The following HNF1B variants were observed in gnomAD, a reference collection of about 807,000 sequenced individuals.
HNF1B encodes hepatocyte nuclear factor 1-beta.
Under a neutral mutation model 61.7 loss-of-function variants are expected in HNF1B, and 8 were observed. The observed-to-expected ratio is 0.13, with a 90% CI of 0.08 to 0.23. HNF1B has a LOEUF of 0.23. Ranked by LOEUF, HNF1B falls within the 10% of genes least tolerant of loss-of-function variation. HNF1B has a pLI of 1.00. For synonymous variants in HNF1B, 314 were observed against 287.7 expected (o/e 1.09, Z -0.93); for missense variants, 562 against 714.5 (o/e 0.79, Z 2.43).
chr17:37,729,264 C>A (rs1238850093), intron 4 of HNF1B: 7 of 151,814 alleles, frequency 4.6e-5, no homozygotes, highest in East Asian at 3.9e-4. Context: ...GTTGAGGAGC[C>A]CAGAGTGAAA....
At position 37,744,912 on chromosome 17, in the gene HNF1B, G is replaced by T. The variant is rs757704803; in HGVS notation, c.-28C>A. The T allele has an allele frequency of 3.6e-6, 5 of 1,378,846 alleles. No homozygotes were observed. Among genetic ancestry groups the T allele is most frequent in the African/African-American group, 1.4e-5 (1 of 69,900 alleles). The allele number at this position is 1,378,846 out of a possible 1,614,324, so 85.4% of individuals were successfully genotyped here. On this transcript the variant is annotated 5_prime_UTR_variant, in exon 1 of 9. Coordinates refer to ENST00000617811, the MANE Select transcript of HNF1B (RefSeq NM_000458.4). ...TCCAAGGACGGAAAAAGAAGGGGGT[G>T]AGGGGGTGGGTGGGTGCGAGAGAGG...
At chr17:37,736,669 G>A (rs1351903948) in intron 2 of HNF1B, among the ~76,000 whole-genome samples, 1 of 152,216 alleles carries the variant, frequency 6.6e-6, no homozygotes, top group African/African-American at 2.4e-5. Flanking sequence ...GAAGCTTTGT[G>A]TCTGGTGGGT....
At chr17:37,703,778 C>A (rs2032649056) in intron 6 of HNF1B, among the ~76,000 whole-genome samples, 1 of 152,168 alleles carries the variant, frequency 6.6e-6, no homozygotes, top group African/African-American at 2.4e-5. Context: ...GAGAGCCACA[C>A]ATATTCAATA....
chr17:37,690,935 A>G (rs1243493085), intron 8 of HNF1B, among the ~76,000 whole-genome samples: 1 of 152,186 alleles, frequency 6.6e-6, no homozygotes, highest in Non-Finnish European at 1.5e-5. Flanking sequence ...ATGGGACTGG[A>G]GGAGATCACC....
At chr17:37,727,992 TTTG>T (rs1370036851) in intron 4 of HNF1B, among the ~76,000 whole-genome samples, 3 of 151,998 alleles carry the variant, frequency 2.0e-5, no homozygotes, top group African/African-American at 7.2e-5. Flanking sequence ...TGGAGTTTTT[TTTG>T]TTGTTTTTTT....
At chr17:37,711,682 G>A (rs981978245) in intron 4 of HNF1B, among the ~76,000 whole-genome samples, 2 of 152,228 alleles carry the variant, frequency 1.3e-5, no homozygotes, top group Non-Finnish European at 2.9e-5. Flanking sequence ...TGCTTAGAAA[G>A]ACAGTGTTCT....
chr17:37,733,046 C>A (rs1034345229), intron 3 of HNF1B, among the ~76,000 whole-genome samples: 1 of 152,102 alleles, frequency 6.6e-6, no homozygotes, highest in Non-Finnish European at 1.5e-5. Context: ...ACAGATCTGA[C>A]CAATTCTTAC....
At position 37,704,998 on chromosome 17, in the gene HNF1B, G is replaced by A. The variant is rs754520966; in HGVS notation, c.1258C>T (p.His420Tyr). The change falls in exon 6 of 9, where the codon CAC becomes TAC. Residue 420 changes from histidine to tyrosine, a missense_variant. By Grantham distance (83) the His-to-Tyr change is moderately conservative. This residue lies in a region of HNF1B where 211 missense variants were observed against 200.7 expected (regional missense o/e 1.05). Transcript: ENST00000617811. ...LPPVSTLTNI[H>Y]SLSHHNPQQS... ...TGGGGATTATGGTGGGAGAGGCTGT[G>A]GATATTCGTCAAGGTGCTGACTGGG... The A allele has an allele frequency of 6.2e-7, 1 of 1,614,034 alleles. No individual in the cohort carries two copies. Among genetic ancestry groups the A allele is most frequent in the East Asian group, 2.2e-5 (1 of 44,894 alleles).
chr17:37,717,968 T>C (rs751683128), intron 4 of HNF1B, among the ~76,000 whole-genome samples: 5 of 152,182 alleles, frequency 3.3e-5, no homozygotes, highest in Non-Finnish European at 7.3e-5. Context: ...TGGTTTCAAT[T>C]CCGGATCCCT....
At chr17:37,691,499 A>T (rs1259617195) in intron 8 of HNF1B, among the ~76,000 whole-genome samples, 2 of 152,006 alleles carry the variant, frequency 1.3e-5, no homozygotes, top group Non-Finnish European at 2.9e-5. Context: ...GCCACGTAAG[A>T]CCCTTTTCCC....
At position 37,710,677 on chromosome 17, in the gene HNF1B, C is replaced by G; in HGVS notation, c.1046-14G>C. Reference sequence around the variant, plus strand: ...TGTAGCGCACTCCTGCAAAACAACACAAACCCAGTAGGGAACATTAGTGCC... The same window carrying G: ...TGTAGCGCACTCCTGCAAAACAACAGAAACCCAGTAGGGAACATTAGTGCC... On this transcript the variant is annotated splice_polypyrimidine_tract_variant and intron_variant, in intron 4 of 8. Transcript: ENST00000617811. 1.2e-6 allele frequency: 2 copies of G among 1,611,608 alleles called. No homozygotes were observed. Among genetic ancestry groups the G allele is most frequent in the Non-Finnish European group, 1.7e-6 (2 of 1,178,466 alleles).
At chr17:37,727,625 A>T (rs540344556) in intron 4 of HNF1B, among the ~76,000 whole-genome samples, 1 of 152,298 alleles carries the variant, frequency 6.6e-6, no homozygotes, top group African/African-American at 2.4e-5. Flanking sequence ...TTTGTAGGGC[A>T]TCTTGTAACC....
rs114180955 is a variant in HNF1B at position 37,725,359 on chromosome 17, A to G, written c.1045+6236T>C. On this transcript the variant is annotated intron_variant, in intron 4 of 8. Transcript: ENST00000617811. ...TTGTGCAGAGGCTTGGAGCCCCACG[A>G]GCACAGCAGCCTGGTTTCTTTGTAT... Among the ~76,000 whole-genome samples the G allele has an allele frequency of 6.9e-3, 1,056 of 152,266 alleles. 17 individuals carry two copies. Among genetic ancestry groups the G allele is most frequent in the African/African-American group, 0.024 (998 of 41,548 alleles).
intron 4 of HNF1B, among the ~76,000 whole-genome samples, chr17:37,714,713 G>C (rs928892825): frequency 1.3e-5 from 2 of 152,164 alleles, no homozygotes; most frequent in Non-Finnish European, 2.9e-5. Flanking sequence ...CAGATCATTC[G>C]GTTTCTATCC....
At chr17:37,719,890 G>A (rs2033251770) in intron 4 of HNF1B, among the ~76,000 whole-genome samples, 1 of 152,234 alleles carries the variant, frequency 6.6e-6, no homozygotes. Flanking sequence ...GGTCTGGCAA[G>A]TGTCAGAGCT....
At chr17:37,740,027 G>T (rs1167001936) in intron 1 of HNF1B, among the ~76,000 whole-genome samples, 2 of 152,000 alleles carry the variant, frequency 1.3e-5, no homozygotes, top group Non-Finnish European at 2.9e-5. Context: ...GAGTGCAACG[G>T]CATCTTGGCT....
chr17:37,726,882 T>TCC (rs2033516652), intron 4 of HNF1B, among the ~76,000 whole-genome samples: 1 of 151,894 alleles, frequency 6.6e-6, no homozygotes, highest in African/African-American at 2.4e-5. Context: ...GGAGAATAAG[T>TCC]CCCCCCTTCC....
chr17:37,744,500 A>G (rs779663186), intron 1 of HNF1B, 41 bp downstream of exon 1: 1 of 1,586,922 alleles, frequency 6.3e-7, no homozygotes, highest in Non-Finnish European at 8.6e-7. Context: ...CCGGGGCTCC[A>G]GGGGTTCGGG....
At chr17:37,742,803 TCA>T (rs1026849382) in intron 1 of HNF1B, among the ~76,000 whole-genome samples, 9 of 151,122 alleles carry the variant, frequency 6.0e-5, no homozygotes, top group East Asian at 2.0e-4. Flanking sequence ...GCTCGGGCGC[TCA>T]CAGAGCCCGC....
Sources: gnomAD v4.1 joint callset for allele counts (sites outside exome capture counted in the v4.1 genomes callset) on GRCh38, gnomAD v4.1.1 for gene constraint, gnomAD v4.1.1 regional missense constraint, MANE v1.5 for transcripts, NCBI Gene and HGNC (gene_info 2026-07-23, HGNC 2026-07-21) for gene names.